AFG1L: variants seen among roughly 807,000 people sequenced by gnomAD.
The protein encoded by AFG1L is AFG1 like ATPase.
A neutral mutation model predicts 62.2 loss-of-function variants in AFG1L; 53 were observed. The observed-to-expected ratio is 0.85, with a 90% confidence interval of 0.68 to 1.07. The LOEUF (loss-of-function observed/expected upper bound fraction) is 1.07, where lower values mean the gene tolerates loss of function less well. Among genes scored for constraint, AFG1L ranks in the 50% least tolerant of loss-of-function variants. The pLI is 0.00. For missense variants in AFG1L, 555 were observed against 590.5 expected (o/e 0.94, Z 0.62); for synonymous variants, 228 against 210.3 (o/e 1.08, Z -0.73).
chr6:108,415,873 G>A (rs1286732424), intron 7 of AFG1L, among the ~76,000 whole-genome samples: 7 of 152,182 alleles, frequency 4.6e-5, no homozygotes, highest in Non-Finnish European at 8.8e-5. Context: ...AGGACTTCAC[G>A]TCTAAAACAC....
intron 7 of AFG1L, among the ~76,000 whole-genome samples, chr6:108,403,314 AGAAGGGTT>A (rs1446263135): frequency 2.6e-5 from 4 of 152,176 alleles, no homozygotes; most frequent in Admixed American, 6.5e-5. Flanking sequence ...TTCTTACCCA[AGAAGGGTT>A]AAAATGTTTT....
chr6:108,366,468 T>G (rs1779763539), intron 6 of AFG1L, 136 bp downstream of exon 6: 1 of 511,032 alleles, frequency 2.0e-6, no homozygotes, highest in African/African-American at 1.9e-5. Flanking sequence ...ATAACTGGCT[T>G]AATCTGAAAA....
At chr6:108,341,538 A>G (rs985635942) in intron 2 of AFG1L, among the ~76,000 whole-genome samples, 1 of 152,124 alleles carries the variant, frequency 6.6e-6, no homozygotes, top group African/African-American at 2.4e-5. Context: ...CCCAACAGAT[A>G]AGGAGACAGC....
chr6:108,438,020 G>T (rs1386410402), intron 7 of AFG1L, among the ~76,000 whole-genome samples: 1 of 152,188 alleles, frequency 6.6e-6, no homozygotes. Flanking sequence ...GAGTCAGATT[G>T]TGACTCACCT....
At chr6:108,407,021 C>T (rs967833706) in intron 7 of AFG1L, among the ~76,000 whole-genome samples, 3 of 152,098 alleles carry the variant, frequency 2.0e-5, no homozygotes, top group Non-Finnish European at 4.4e-5. Flanking sequence ...ATGTGATCTC[C>T]ACTGATATCA....
chr6:108,302,636 A>C (rs1314572313), intron 1 of AFG1L, among the ~76,000 whole-genome samples: 1 of 152,108 alleles, frequency 6.6e-6, no homozygotes, highest in Non-Finnish European at 1.5e-5. Flanking sequence ...TGTAGACAAG[A>C]TACGAGGCCA....
chr6:108,401,778 CT>C (rs750538354), intron 6 of AFG1L, among the ~76,000 whole-genome samples: 14 of 151,804 alleles, frequency 9.2e-5, no homozygotes, highest in Non-Finnish European at 1.8e-4. Flanking sequence ...GATTGAATAC[CT>C]TTTGATCTTC....
In AFG1L at chr6:108,323,844, C is replaced by T. The variant is rs758006525; in HGVS notation, c.159C>T (p.Ser53=). The change falls in exon 2 of 13, where the codon TCC becomes TCT. Residue 53 remains serine, a synonymous_variant. Transcript: ENST00000368977. ...PFWKAYTVQT[S]ESMTPTATSE... is the part of the protein sequence containing the mutation. The stretch of plus-strand genomic sequence containing the variant: ...TTATAGCCTATACGGTTCAGACATC[C>T]GAGAGCATGACCCCAACTGCCACTT... 1.8e-5 allele frequency: 29 copies of T among 1,613,812 alleles called. No individual in the cohort carries two copies. The highest frequency in any genetic ancestry group is 8.3e-5 in the Admixed American group (5 of 59,980).
At chr6:108,333,013 C>A (rs1024899147) in intron 2 of AFG1L, among the ~76,000 whole-genome samples, 1 of 152,178 alleles carries the variant, frequency 6.6e-6, no homozygotes, top group Non-Finnish European at 1.5e-5. Flanking sequence ...AACACTGATA[C>A]ATTTGACTAT....
intron 10 of AFG1L, among the ~76,000 whole-genome samples, chr6:108,493,134 A>T (rs1445511632): frequency 3.3e-5 from 5 of 152,182 alleles, no homozygotes; most frequent in Admixed American, 3.3e-4. Flanking sequence ...ATTGGCCTGA[A>T]GCTAAACAAA....
intron 6 of AFG1L, among the ~76,000 whole-genome samples, chr6:108,399,197 T>G (rs1157494591): frequency 1.5e-5 from 2 of 132,998 alleles, no homozygotes; most frequent in East Asian, 2.2e-4. Context: ...TTTTTTTTTT[T>G]TTTTTTTTTG....
At chr6:108,441,122 G>GC (rs1771527114) in intron 7 of AFG1L, among the ~76,000 whole-genome samples, 1 of 152,154 alleles carries the variant, frequency 6.6e-6, no homozygotes, top group African/African-American at 2.4e-5. Flanking sequence ...AGGTTAGTAT[G>GC]TTATAGTTTT....
intron 6 of AFG1L, among the ~76,000 whole-genome samples, chr6:108,400,656 A>T (rs1450977186): frequency 9.1e-6 from 1 of 110,284 alleles, no homozygotes; most frequent in Non-Finnish European, 1.6e-5. Flanking sequence ...TTTATGTATA[A>T]TATATATAAT....
intron 7 of AFG1L, among the ~76,000 whole-genome samples, chr6:108,416,259 A>C (rs1770266992): frequency 6.6e-6 from 1 of 152,240 alleles, no homozygotes; most frequent in Admixed American, 6.5e-5. Flanking sequence ...GCAATCATTA[A>C]AAAGTCAGGA....
At chr6:108,511,073 G>A (rs1205575341) in intron 11 of AFG1L, among the ~76,000 whole-genome samples, 1 of 146,552 alleles carries the variant, frequency 6.8e-6, no homozygotes, top group Non-Finnish European at 1.5e-5. Flanking sequence ...GGGTGACAGA[G>A]TGAGGCCCTA....
Position 108,477,297 on chromosome 6 carries a change from G to A in AFG1L, c.1062+5G>A. The A allele has an allele frequency of 6.3e-7, 1 of 1,581,384 alleles. No individual in the cohort carries two copies. Among genetic ancestry groups the A allele is most frequent in the Non-Finnish European group, 8.6e-7 (1 of 1,157,106 alleles). On this transcript the variant is annotated splice_donor_5th_base_variant and intron_variant, in intron 10 of 12. Transcript: ENST00000368977. ...TTTGAAGAGCTGTGTGAGAGAGTAA[G>A]TATCCAGGCACGTCCAGACTCACTG...
Position 108,399,184 on chromosome 6 carries a change from T to G in AFG1L, c.749-2812T>G, listed in dbSNP as rs1448635048. Among the ~76,000 whole-genome samples the G allele has an allele frequency of 2.9e-3, 349 of 120,744 alleles. 1 individual carries two copies. Among genetic ancestry groups the G allele is most frequent in the African/African-American group, 9.5e-3 (299 of 31,328 alleles). The allele number at this position is 120,744 out of a possible 152,430, so 79.2% of individuals were successfully genotyped here. ...TCTGTCACTTCTTTTGTTTGTTTTT[T>G]TTTTTTTTTTTTTTTTTTTTTTGAG... On this transcript the variant is annotated intron_variant, in intron 6 of 12. Transcript: ENST00000368977.
intron 1 of AFG1L, among the ~76,000 whole-genome samples, chr6:108,322,891 G>T (rs1777868598): frequency 6.6e-6 from 1 of 152,138 alleles, no homozygotes; most frequent in South Asian, 2.1e-4. Context: ...TGGAATTATG[G>T]TTGGACCTCG....
intron 10 of AFG1L, among the ~76,000 whole-genome samples, chr6:108,492,126 CT>C (rs1296702451): frequency 6.6e-6 from 1 of 152,148 alleles, no homozygotes; most frequent in Non-Finnish European, 1.5e-5. Flanking sequence ...CTAAATATCT[CT>C]TTTTGTGCCA....
Sources: allele counts gnomAD v4.1 joint callset (sites outside exome capture counted in the v4.1 genomes callset), GRCh38; gene constraint gnomAD v4.1.1; transcripts MANE v1.5; gene names NCBI Gene and HGNC (gene_info 2026-07-23, HGNC 2026-07-21).